Variants in STIM2 observed in about 807,000 individuals in gnomAD.
STIM2 encodes the protein stromal interaction molecule 2.
In STIM2, 31 loss-of-function variants were observed where a neutral mutation model predicts 85.8. That is an observed-to-expected ratio of 0.36 (90% CI 0.27 to 0.49). The LOEUF is 0.49. Among genes scored for constraint, STIM2 ranks in the 20% least tolerant of loss-of-function variants. The pLI is 0.98. For synonymous variants in STIM2, 356 were observed against 331.1 expected (o/e 1.08, Z -0.82); for missense variants, 841 against 927.6 (o/e 0.91, Z 1.21).
intron 5 of STIM2, among the ~76,000 whole-genome samples, chr4:27,000,053 T>G (rs200037884): frequency 1.3e-5 from 1 of 76,478 alleles, no homozygotes; most frequent in South Asian, 4.3e-4. Flanking sequence ...AGGAATTATG[T>G]TTTTTTTTTT....
intron 3 of STIM2, among the ~76,000 whole-genome samples, chr4:26,970,173 G>A (rs1302136146): frequency 7.0e-6 from 1 of 142,682 alleles, no homozygotes; most frequent in African/African-American, 2.6e-5. Context: ...TCTGTTTTAG[G>A]ATATTGTTTC....
intron 8 of STIM2, 135 bp from the exon 9 acceptor site, chr4:27,008,293 C>A: frequency 1.9e-6 from 1 of 539,362 alleles, no homozygotes. Context: ...GCAGGGATAT[C>A]TTGGCTAGTA....
At chr4:26,962,114 A>G (rs1577465168) in intron 3 of STIM2, among the ~76,000 whole-genome samples, 1 of 152,164 alleles carries the variant, frequency 6.6e-6, no homozygotes, top group East Asian at 1.9e-4. Flanking sequence ...TATAGAAAGT[A>G]TGTAGGCTTT....
At chr4:26,863,914 T>G (rs954561163) in intron 1 of STIM2, among the ~76,000 whole-genome samples, 1 of 152,086 alleles carries the variant, frequency 6.6e-6, no homozygotes, top group Non-Finnish European at 1.5e-5. Context: ...ATACTTACCT[T>G]TAGAAGCTCC....
intron 2 of STIM2, among the ~76,000 whole-genome samples, chr4:26,946,449 A>G (rs145632866): frequency 7.6e-4 from 115 of 152,276 alleles, no homozygotes; most frequent in African/African-American, 2.6e-3. Flanking sequence ...GAAGAATCTG[A>G]TGAGTGGAAC....
intron 3 of STIM2, among the ~76,000 whole-genome samples, chr4:26,961,933 T>C (rs1266772185): frequency 6.6e-6 from 1 of 152,150 alleles, no homozygotes; most frequent in Non-Finnish European, 1.5e-5. Context: ...TTATTTTTTG[T>C]TGGGACGGGA....
Position 26,957,675 on chromosome 4 carries a change from G to C in STIM2, c.346G>C (p.Asp116His). 2 of 1,596,430 alleles carry C rather than the reference G, an allele frequency of 1.3e-6. No individual in the cohort carries two copies. Among genetic ancestry groups the C allele is most frequent in the Non-Finnish European group, 1.7e-6 (2 of 1,174,362 alleles). Residue 116 changes from aspartate to histidine, a missense_variant, in exon 3 of 12, where the codon GAT becomes CAT. Around this residue, in one of 3 missense-constraint regions of STIM2, gnomAD observed 408 missense variants for 525.4 expected, o/e 0.78. Transcript: ENST00000467087. ...TAAACACAGCCATCTGCACAGAGAA[G>C]ATAAACATATAACGATTGAGGATTT...
chr4:26,874,922 G>A (rs1398039250), intron 1 of STIM2, among the ~76,000 whole-genome samples: 1 of 152,154 alleles, frequency 6.6e-6, no homozygotes, highest in Non-Finnish European at 1.5e-5. Flanking sequence ...GTTATTTGTT[G>A]GGCAAATGTA....
At chr4:26,867,416 T>C (rs1722449009) in intron 1 of STIM2, among the ~76,000 whole-genome samples, 1 of 152,206 alleles carries the variant, frequency 6.6e-6, no homozygotes, top group South Asian at 2.1e-4. Context: ...TGCAAATGTA[T>C]TTGCCAGTTG....
intron 2 of STIM2, among the ~76,000 whole-genome samples, chr4:26,935,065 T>G (rs1235709872): frequency 6.6e-6 from 1 of 152,164 alleles, no homozygotes; most frequent in East Asian, 1.9e-4. Flanking sequence ...TCCTATAAAT[T>G]TGCCACTATG....
chr4:26,899,929 C>T (rs911885004), intron 1 of STIM2, among the ~76,000 whole-genome samples: 34 of 152,154 alleles, frequency 2.2e-4, no homozygotes, highest in African/African-American at 4.6e-4. Context: ...CTGCCAATTA[C>T]TGTCTTGAGT....
Position 26,911,683 on chromosome 4 carries a change from A to G in STIM2, c.152-7821A>G, listed in dbSNP as rs557675236. ...AGCATTTGGTATATCTAGTCCAGTT[A>G]CAACTTTCCCTTTCTTATTTGCTGT... On this transcript the variant is annotated intron_variant, in intron 1 of 11. Transcript: ENST00000467087. 6.6e-5 allele frequency among the ~76,000 whole-genome samples: 10 copies of G among 152,302 alleles called. No individual in the cohort carries two copies. The South Asian group carries it at 2.1e-3, about 32-fold the overall frequency.
At chr4:26,958,920 T>G (rs946870061) in intron 3 of STIM2, among the ~76,000 whole-genome samples, 1 of 152,158 alleles carries the variant, frequency 6.6e-6, no homozygotes, top group African/African-American at 2.4e-5. Flanking sequence ...GATTAAAATA[T>G]GTAATACATT....
intron 1 of STIM2, among the ~76,000 whole-genome samples, chr4:26,883,852 G>T (rs549799780): frequency 1.3e-5 from 2 of 152,200 alleles, no homozygotes; most frequent in Non-Finnish European, 2.9e-5. Context: ...AATCTGCAAG[G>T]TTATGTATTT....
intron 7 of STIM2, among the ~76,000 whole-genome samples, chr4:27,004,501 A>G: frequency 6.6e-6 from 1 of 152,050 alleles, no homozygotes; most frequent in East Asian, 1.9e-4. Flanking sequence ...GTCTTTCTAA[A>G]CTTTGTATAT....
rs193287030 is a variant in STIM2 at position 26,864,179 on chromosome 4, G to A, written c.151+2810G>A. Among the ~76,000 whole-genome samples, 669 of 152,140 alleles carry A rather than the reference G, an allele frequency of 4.4e-3. 8 individuals carry two copies. The highest frequency in any genetic ancestry group is 0.016 in the African/African-American group (648 of 41,528). On this transcript the variant is annotated intron_variant, in intron 1 of 11. Coordinates refer to ENST00000467087, the MANE Select transcript of STIM2 (RefSeq NM_020860.4). ...TTAAATATTACCTTTTCAGAATTCA[G>A]TGTGCAAATGTTTTTGGTGAGACAG...
chr4:26,919,030 ATTTCC>A (rs1724698391), intron 1 of STIM2, among the ~76,000 whole-genome samples: 1 of 152,052 alleles, frequency 6.6e-6, no homozygotes, highest in African/African-American at 2.4e-5. Context: ...ACTATTTTAC[ATTTCC>A]TTTCCCTTTT....
intron 1 of STIM2, among the ~76,000 whole-genome samples, chr4:26,900,653 G>A (rs939417448): frequency 3.3e-5 from 5 of 152,146 alleles, no homozygotes; most frequent in Admixed American, 2.6e-4. Flanking sequence ...AAACTTCCAA[G>A]CTAATTGTTA....
intron 4 of STIM2, among the ~76,000 whole-genome samples, chr4:26,997,499 A>G (rs1577487103): frequency 6.6e-6 from 1 of 152,170 alleles, no homozygotes; most frequent in African/African-American, 2.4e-5. Flanking sequence ...GCCTTCCCTG[A>G]CACCCTCACC....
Sources: allele counts gnomAD v4.1 joint callset (sites outside exome capture counted in the v4.1 genomes callset), GRCh38; gene constraint gnomAD v4.1.1; regional missense constraint gnomAD v4.1.1; transcripts MANE v1.5; gene names NCBI Gene and HGNC (gene_info 2026-07-23, HGNC 2026-07-21).